The following OTOGL variants were observed in gnomAD, a reference collection of about 807,000 sequenced individuals.
OTOGL encodes the protein otogelin-like protein.
A neutral mutation model predicts 318.5 loss-of-function variants in OTOGL; 285 were observed. The ratio of observed to expected loss-of-function variants is 0.89; its 90% confidence interval spans 0.81 to 0.99. OTOGL has a LOEUF of 0.99. Ranked by LOEUF, OTOGL falls within the 50% of genes least tolerant of loss-of-function variation. The pLI, the probability that OTOGL is intolerant of heterozygous loss-of-function variation, is 0.00. For missense variants in OTOGL, 2,899 were observed against 2,845.6 expected (o/e 1.02, Z -0.43); for synonymous variants, 987 against 936.5 (o/e 1.05, Z -0.99).
At chr12:80,172,303 C>T (rs967713206) in intron 1 of OTOGL, among the ~76,000 whole-genome samples, 71 of 151,368 alleles carry the variant, frequency 4.7e-4, no homozygotes, top group African/African-American at 1.6e-3. Context: ...TCCTTTGAGC[C>T]CCTAGAGTAT....
chr12:80,343,363 A>G (rs1168445870), intron 44 of OTOGL, among the ~76,000 whole-genome samples: 1 of 152,064 alleles, frequency 6.6e-6, no homozygotes, highest in Non-Finnish European at 1.5e-5. Flanking sequence ...TTTGCATATA[A>G]CCTACACAAT....
At chr12:80,356,554 T>C in intron 48 of OTOGL, 34 bp downstream of exon 48, 1 of 1,447,334 alleles carries the variant, frequency 6.9e-7, no homozygotes, top group Non-Finnish European at 9.6e-7. Context: ...AAGAGTGAGG[T>C]TCATTGTTCA....
intron 37 of OTOGL, among the ~76,000 whole-genome samples, chr12:80,330,070 G>A (rs1349926639): frequency 6.6e-6 from 1 of 152,178 alleles, no homozygotes; most frequent in Non-Finnish European, 1.5e-5. Context: ...GAGAGAATAT[G>A]TCACATGAAG....
Position 80,336,542 on chromosome 12 carries a change from G to T in OTOGL, c.4730G>T (p.Cys1577Phe). 1 of 1,608,132 alleles carries T rather than the reference G, an allele frequency of 6.2e-7. No homozygotes were observed. Among genetic ancestry groups the T allele is most frequent in the Non-Finnish European group, 8.5e-7 (1 of 1,176,488 alleles). ...GEIIVAHIEK[C>F]SMNQNGNSLK... ...ATTATAGTTGCTCATATCGAAAAAT[G>T]TTCCATGAATCAGGTGGGTCATAAT... Residue 1577 changes from cysteine (C) to phenylalanine (F), a missense_variant, in exon 40 of 59, where the codon TGT (cysteine) becomes TTT (phenylalanine). Cys to Phe is a radical substitution (Grantham distance 205). Transcript: ENST00000547103.
At chr12:80,312,353 CAG>C (rs1213716662) in intron 30 of OTOGL, among the ~76,000 whole-genome samples, 1 of 152,174 alleles carries the variant, frequency 6.6e-6, no homozygotes, top group Non-Finnish European at 1.5e-5. Context: ...AAATGTAAAA[CAG>C]TGCACTCTTT....
intron 1 of OTOGL, among the ~76,000 whole-genome samples, chr12:80,124,180 T>G (rs965341716): frequency 3.3e-5 from 5 of 152,214 alleles, no homozygotes; most frequent in South Asian, 2.1e-4. Context: ...TGTCTAACAT[T>G]TAAGTCTTTA....
intron 25 of OTOGL, 60 bp downstream of exon 25, chr12:80,278,335 T>C: frequency 7.6e-7 from 1 of 1,311,054 alleles, no homozygotes; most frequent in Admixed American, 2.1e-5. Context: ...ATTTCAATCA[T>C]CTTTTATTTA....
At chr12:80,319,635 A>G (rs1197509909) in intron 33 of OTOGL, among the ~76,000 whole-genome samples, 1 of 152,172 alleles carries the variant, frequency 6.6e-6, no homozygotes, top group African/African-American at 2.4e-5. Flanking sequence ...TTGAAATAAT[A>G]TTGAATTTGG....
intron 1 of OTOGL, among the ~76,000 whole-genome samples, chr12:80,184,718 C>G (rs1875166472): frequency 1.3e-5 from 2 of 152,168 alleles, no homozygotes; most frequent in Admixed American, 1.3e-4. Context: ...AACTGTGCCA[C>G]TGAATCGGTG....
intron 1 of OTOGL, among the ~76,000 whole-genome samples, chr12:80,118,431 G>T (rs1034533488): frequency 6.6e-6 from 1 of 152,124 alleles, no homozygotes; most frequent in African/African-American, 2.4e-5. Flanking sequence ...GGAGTGTAAC[G>T]TTTTCTTCCC....
At chr12:80,321,257 C>T (rs533001305) in intron 34 of OTOGL, among the ~76,000 whole-genome samples, 6 of 152,276 alleles carry the variant, frequency 3.9e-5, no homozygotes, top group African/African-American at 1.4e-4. Context: ...AAGCTTCACT[C>T]CTTTATGCAG....
At chr12:80,374,774 C>T (rs184924493) in intron 57 of OTOGL, among the ~76,000 whole-genome samples, 2 of 151,816 alleles carry the variant, frequency 1.3e-5, no homozygotes, top group East Asian at 1.9e-4. Flanking sequence ...GAAGTGAGTA[C>T]AATTATGTTA....
chr12:80,217,433 C>A (rs527832190), intron 4 of OTOGL, among the ~76,000 whole-genome samples, 165 bp from the exon 5 acceptor site: 1 of 152,108 alleles, frequency 6.6e-6, no homozygotes, highest in African/African-American at 2.4e-5. Flanking sequence ...TCAGAGGAAC[C>A]CTTTCTGCCT....
intron 30 of OTOGL, among the ~76,000 whole-genome samples, chr12:80,313,124 G>A (rs772101293): frequency 4.6e-5 from 7 of 152,124 alleles, no homozygotes; most frequent in East Asian, 1.9e-4. Context: ...AGAAAGATAC[G>A]AAATTATATA....
intron 46 of OTOGL, among the ~76,000 whole-genome samples, chr12:80,355,081 G>A (rs1055184803): frequency 2.0e-5 from 3 of 151,742 alleles, no homozygotes; most frequent in African/African-American, 4.8e-5. Context: ...AATTTGATTA[G>A]GCTAAATAAA....
At chr12:80,318,460 T>A in intron 32 of OTOGL, 86 bp from the exon 33 acceptor site, 1 of 961,984 alleles carries the variant, frequency 1.0e-6, no homozygotes, top group Non-Finnish European at 1.4e-6. Context: ...TGAAGTATTT[T>A]GTTATTAAAA....
At chr12:80,346,512 A>G (rs1889207267) in intron 44 of OTOGL, among the ~76,000 whole-genome samples, 1 of 152,100 alleles carries the variant, frequency 6.6e-6, no homozygotes, top group Admixed American at 6.6e-5. Flanking sequence ...GTTTTTATTT[A>G]TTTGCTTGTT....
At chr12:80,242,124 A>T (rs1380540351) in intron 11 of OTOGL, among the ~76,000 whole-genome samples, 1 of 152,182 alleles carries the variant, frequency 6.6e-6, no homozygotes, top group Non-Finnish European at 1.5e-5. Context: ...TGATACTAAA[A>T]AGGAGAAGGG....
intron 1 of OTOGL, among the ~76,000 whole-genome samples, chr12:80,114,561 C>T (rs530364256): frequency 2.0e-5 from 3 of 152,238 alleles, no homozygotes; most frequent in African/African-American, 2.4e-5. Flanking sequence ...TCCACCATTT[C>T]AACCTTGGTG....
Sources: allele counts gnomAD v4.1 joint callset (sites outside exome capture counted in the v4.1 genomes callset), GRCh38; gene constraint gnomAD v4.1.1; transcripts MANE v1.5; gene names NCBI Gene and HGNC (gene_info 2026-07-23, HGNC 2026-07-21).